NOTCH3: variants seen among roughly 807,000 people sequenced by gnomAD.
The protein encoded by NOTCH3 is notch receptor 3, also known as neurogenic locus notch homolog protein 3.
NOTCH3 carries 86 observed loss-of-function variants against 213.3 expected under a neutral mutation model. That is an observed-to-expected ratio of 0.40 (90% CI 0.34 to 0.48). The LOEUF is 0.48. NOTCH3 is among the 20% of genes least tolerant of loss of function. The pLI, the probability that NOTCH3 is intolerant of heterozygous loss-of-function variation, is 0.57. For missense variants in NOTCH3, 2,783 were observed against 3,272.6 expected (o/e 0.85, Z 3.65); for synonymous variants, 1,354 against 1,355.9 (o/e 1.00, Z 0.03).
In NOTCH3 at chr19:15,187,206, T is replaced by C. The variant is rs2046889501; in HGVS notation, c.1739A>G (p.Glu580Gly). ...CAPGYTGTRCESQVDECRSQP... is the reference protein window; with the variant it reads ...CAPGYTGTRCGSQVDECRSQP... ...GCTGCGGCATTCGTCCACCTGGCTC[T>C]CGCAGCGTGTGCCCGTGTAGCCAGG... The change falls in exon 11 of 33, where the codon GAG becomes GGG. Residue 580 changes from glutamate to glycine, a missense_variant. Transcript: ENST00000263388. The C allele has an allele frequency of 1.2e-6, 2 of 1,613,946 alleles. No individual in the cohort carries two copies. The highest frequency in any genetic ancestry group is 3.3e-5 in the Admixed American group (2 of 60,006).
chr19:15,191,314 T>C, intron 6 of NOTCH3, 110 bp downstream of exon 6: 1 of 1,002,438 alleles, frequency 1.0e-6, no homozygotes, highest in Non-Finnish European at 1.5e-6. Context: ...ATTACAGGCA[T>C]GAGCCACTGT....
At chr19:15,200,343 C>A (rs1054546346) in intron 1 of NOTCH3, among the ~76,000 whole-genome samples, 5 of 151,628 alleles carry the variant, frequency 3.3e-5, no homozygotes, top group African/African-American at 4.8e-5. Context: ...TCCCCACCCC[C>A]CGCCTGGCCC....
chr19:15,173,724 CAAAAAA>C lies in NOTCH3; in HGVS notation c.4736+338_4736+343del, dbSNP rs1212635746. 1.4e-4 allele frequency among the ~76,000 whole-genome samples: 18 copies of C among 131,342 alleles called. 1 individual carries two copies. Among genetic ancestry groups the C allele is most frequent in the African/African-American group, 3.7e-4 (11 of 29,984 alleles). The allele number at this position is 131,342 out of a possible 152,430, so 86.2% of individuals were successfully genotyped here. The stretch of plus-strand genomic sequence containing the variant: ...AGCCTGGGCGACAGAGACTCCGTCT[CAAAAAA>C]AAAAAAAAAAAGAAAAGAAGAAGGA... On this transcript the variant is annotated intron_variant, in intron 25 of 32. Transcript: ENST00000263388.
rs774992097 is a variant in NOTCH3, at chr19:15,181,685, G to A, written c.2683C>T (p.Pro895Ser). 2.6e-6 allele frequency: 4 copies of A among 1,559,334 alleles called. No individual in the cohort carries two copies. In the East Asian group the frequency reaches 9.6e-5, roughly 37 times the overall value. Residue 895 changes from proline to serine, a missense_variant, in exon 17 of 33, where the codon CCC (proline) becomes TCC (serine). By Grantham distance (74) the Pro-to-Ser change is moderately conservative. Coordinates refer to ENST00000263388, the MANE Select transcript of NOTCH3 (RefSeq NM_000435.3). ...TCGGTACAGGTGCCCGGGCCGCAGGGGTTGCTCAGGCACTCATCCACATCG... is the reference window on the plus strand; with the variant it reads ...TCGGTACAGGTGCCCGGGCCGCAGGAGTTGCTCAGGCACTCATCCACATCG... ...ARDVDECLSNPCGPGTCTDHV... is the reference protein window; with the variant it reads ...ARDVDECLSNSCGPGTCTDHV...
intron 24 of NOTCH3, 114 bp downstream of exon 24, chr19:15,177,411 C>T: frequency 1.1e-6 from 1 of 950,536 alleles, no homozygotes; most frequent in Non-Finnish European, 1.7e-6. Context: ...ATAGAGTGCA[C>T]AGAGAAACAG....
intron 16 of NOTCH3, among the ~76,000 whole-genome samples, chr19:15,183,605 G>A (rs990575722): frequency 6.6e-6 from 1 of 152,112 alleles, no homozygotes; most frequent in Non-Finnish European, 1.5e-5. Flanking sequence ...CTCCATGTTG[G>A]CCAGGCTGGT....
Position 15,186,375 on chromosome 19 carries a change from T to TTG in NOTCH3, c.1951+501_1951+502dup, listed in dbSNP as rs1309435774. ...TCCAGAATAATCTTTTTGTTTGTTT[T>TTG]TGTATGTGTGTGTGTGTGTGTGTGT... On this transcript the variant is annotated intron_variant, in intron 12 of 32. Transcript: ENST00000263388. 4.3e-3 allele frequency among the ~76,000 whole-genome samples: 536 copies of TTG among 123,318 alleles called. 2 individuals carry two copies. The highest frequency in any genetic ancestry group is 0.015 in the Middle Eastern group (4 of 260). The allele number at this position is 123,318 out of a possible 152,430, so 80.9% of individuals were successfully genotyped here.
chr19:15,188,348 C>A lies in NOTCH3; in HGVS notation c.1379G>T (p.Gly460Val). Residue 460 changes from glycine to valine, a missense_variant and splice_region_variant, in exon 9 of 33, where the codon GGC becomes GTC. Gly to Val is a moderately radical substitution (Grantham distance 109). Transcript: ENST00000263388. ...CACCTCGCAATAGGTTCCTGTGAAG[C>A]CTGGGGCAGGGAATAGGGCTTAGGA... ...IGQFTCICMA[G>V]FTGTYCEVDI... 6.3e-7 allele frequency: 1 copy of A among 1,595,860 alleles called. No homozygotes were observed.
rs774527579 is a variant in NOTCH3, at chr19:15,181,643, T to C, written c.2725A>G (p.Thr909Ala). The C allele has an allele frequency of 6.4e-7, 1 of 1,551,748 alleles. No individual in the cohort carries two copies. Among genetic ancestry groups the C allele is most frequent in the Non-Finnish European group, 8.7e-7 (1 of 1,147,420 alleles). ...GTCTDHVASF[T>A]CTCPPGYGGF... is the part of the protein sequence containing the mutation. ...CCGTAGCCTGGCGGGCAGGTGCAGGTGAAGGAGGCCACGTGGTCGGTACAG... is the reference window on the plus strand; with the variant it reads ...CCGTAGCCTGGCGGGCAGGTGCAGGCGAAGGAGGCCACGTGGTCGGTACAG... The change falls in exon 17 of 33, where the codon ACC becomes GCC. Residue 909 changes from threonine to alanine, a missense_variant. By Grantham distance (58) the Thr-to-Ala change is moderately conservative. Around this residue, in one of 6 missense-constraint regions of NOTCH3, gnomAD observed 861 missense variants for 909.1 expected, o/e 0.95. Coordinates refer to ENST00000263388, the MANE Select transcript of NOTCH3 (RefSeq NM_000435.3).
chr19:15,179,163 G>T lies in NOTCH3; in HGVS notation c.3580C>A (p.Pro1194Thr), dbSNP rs1265439284. The T allele has an allele frequency of 6.2e-7, 1 of 1,614,164 alleles. No homozygotes were observed. Among genetic ancestry groups the T allele is most frequent in the Non-Finnish European group, 8.5e-7 (1 of 1,180,016 alleles). The change falls in exon 22 of 33, where the codon CCC becomes ACC. Residue 1194 changes from proline (P) to threonine (T), a missense_variant. Around this residue, in one of 6 missense-constraint regions of NOTCH3, gnomAD observed 861 missense variants for 909.1 expected, o/e 0.95. Coordinates refer to ENST00000263388, the MANE Select transcript of NOTCH3 (RefSeq NM_000435.3). ...CAGCGCAAACCAGTGTATCCTGGGG[G>T]ACAGGTGCAGCGGAAACCACCCACC... ...DLVGGFRCTC[P>T]PGYTGLRCEA...
At position 15,179,236 on chromosome 19, in the gene NOTCH3, C is replaced by T. The variant is rs780906965; in HGVS notation, c.3507G>A (p.Pro1169=). 5.0e-6 allele frequency: 8 copies of T among 1,613,826 alleles called. No homozygotes were observed. Among genetic ancestry groups the T allele is most frequent in the Admixed American group, 1.7e-5 (1 of 59,998 alleles). Reference sequence around the variant, plus strand: ...GTAGGCACCGGGGCCCTGAGTCCAGCGGTGGGCCTGGGCCGCAGTCATCCT... The same window carrying T: ...GTAGGCACCGGGGCCCTGAGTCCAGTGGTGGGCCTGGGCCGCAGTCATCCT... ...INEDDCGPGP[P]LDSGPRCLHN... Residue 1169 remains proline, a synonymous_variant, in exon 22 of 33, where the codon CCG becomes CCA. Transcript: ENST00000263388.
chr19:15,197,794 A>C (rs1352667183), intron 1 of NOTCH3, among the ~76,000 whole-genome samples: 1 of 121,406 alleles, frequency 8.2e-6, no homozygotes, highest in East Asian at 2.8e-4. Context: ...TGCCAGCTCG[A>C]GCCCTGGGAA....
In NOTCH3 at chr19:15,160,992, C is replaced by A. The variant is rs771776432; in HGVS notation, c.6636G>T (p.Leu2212=). The part of the protein sequence containing the change: ...VSPQERPPPY[L]AVPGHGEEYP... Reference sequence around the variant, plus strand: ...ACTCCTCGCCATGTCCTGGGACTGCCAGGTAAGGCGGGGGCCGCTCCTGCG... The same window carrying A: ...ACTCCTCGCCATGTCCTGGGACTGCAAGGTAAGGCGGGGGCCGCTCCTGCG... The change falls in exon 33 of 33, where the codon CTG becomes CTT. Residue 2212 remains leucine (L), a synonymous_variant. Transcript: ENST00000263388. 6.4e-7 allele frequency: 1 copy of A among 1,557,346 alleles called. No individual in the cohort carries two copies. Among genetic ancestry groups the A allele is most frequent in the South Asian group, 1.2e-5 (1 of 85,664 alleles).
In NOTCH3 at chr19:15,165,088, T is replaced by C. The variant is rs1015834700; in HGVS notation, c.5815+280A>G. Among the ~76,000 whole-genome samples, 1 of 152,092 alleles carries C rather than the reference T, an allele frequency of 6.6e-6. No individual in the cohort carries two copies. The highest frequency in any genetic ancestry group is 1.5e-5 in the Non-Finnish European group (1 of 68,022). On this transcript the variant is annotated intron_variant, in intron 31 of 32. Coordinates refer to ENST00000263388, the MANE Select transcript of NOTCH3 (RefSeq NM_000435.3). This position sits in a 1 kb window ranked among gnomAD's most constrained non-coding sequence, Gnocchi z 4.7. ...CACCACACATGGCCTGATGTGTACG[T>C]TTATTATAATAACTTCCAGCAGGTG...
chr19:15,192,805 C>T (rs995635415), intron 2 of NOTCH3, among the ~76,000 whole-genome samples: 18 of 152,084 alleles, frequency 1.2e-4, no homozygotes, highest in Non-Finnish European at 1.0e-4. Flanking sequence ...GTCCCAGCTA[C>T]TCAAGAGGCT....
intron 22 of NOTCH3, 37 bp from the exon 23 acceptor site, chr19:15,178,978 G>A (rs1599380047): frequency 1.2e-6 from 2 of 1,614,120 alleles, no homozygotes; most frequent in Non-Finnish European, 1.7e-6. Flanking sequence ...GCCACAATGG[G>A]GGAATGACAG....
In NOTCH3 at chr19:15,161,115, A is replaced by G. The variant is rs753557500; in HGVS notation, c.6513T>C (p.Asp2171=). 5 of 1,539,618 alleles carry G rather than the reference A, an allele frequency of 3.2e-6. No individual in the cohort carries two copies. The highest frequency in any genetic ancestry group is 2.0e-5 in the Admixed American group (1 of 51,198). ...GGGCAGGTGGGGGCAGCCGGGCCCA[A>G]TCGAGGGGCACAGCCACAGGGTTCA... ...GLLNPVAVPL[D]WARLPPPAPP... is the part of the protein sequence containing the mutation. The change falls in exon 33 of 33, where the codon GAT becomes GAC. Residue 2171 remains aspartate (D), a synonymous_variant. Transcript: ENST00000263388.
intron 4 of NOTCH3, 28 bp downstream of exon 4, chr19:15,191,932 C>A: frequency 6.2e-7 from 1 of 1,613,640 alleles, no homozygotes; most frequent in East Asian, 2.2e-5. Flanking sequence ...GCCCACCCCT[C>A]TGACTCTCCT....
At chr19:15,190,949 G>C (rs1039189348) in intron 6 of NOTCH3, among the ~76,000 whole-genome samples, 1 of 152,102 alleles carries the variant, frequency 6.6e-6, no homozygotes, top group Non-Finnish European at 1.5e-5. Flanking sequence ...TCAAAGTCCT[G>C]GGCCCAAGCG....
Sources: allele counts gnomAD v4.1 joint callset (sites outside exome capture counted in the v4.1 genomes callset), GRCh38; gene constraint gnomAD v4.1.1; regional missense constraint gnomAD v4.1.1; non-coding constraint Gnocchi (gnomAD v3.1); transcripts MANE v1.5; gene names NCBI Gene and HGNC (gene_info 2026-07-23, HGNC 2026-07-21).